ETS1: variants seen among roughly 807,000 people sequenced by gnomAD.
The protein encoded by ETS1 is ETS proto-oncogene 1, transcription factor, also known as protein C-ets-1.
A neutral mutation model predicts 58.6 loss-of-function variants in ETS1; 15 were observed. The observed-to-expected ratio is 0.26, with a 90% CI of 0.17 to 0.39. The LOEUF (loss-of-function observed/expected upper bound fraction) is 0.39, where lower values mean the gene tolerates loss of function less well. Ranked by LOEUF, ETS1 falls within the 10% of genes least tolerant of loss-of-function variation. The pLI is 1.00. For synonymous variants in ETS1, 214 were observed against 218.2 expected (o/e 0.98, Z 0.17); for missense variants, 417 against 610.5 (o/e 0.68, Z 3.34).
chr11:128,564,765 T>G (rs542428673), intron 2 of ETS1, among the ~76,000 whole-genome samples: 21 of 152,166 alleles, frequency 1.4e-4, no homozygotes, highest in Admixed American at 1.1e-3. Context: ...AGTGGTACCA[T>G]GGGTGACAGC....
intron 2 of ETS1, among the ~76,000 whole-genome samples, chr11:128,564,182 C>T (rs987300537): frequency 2.6e-5 from 4 of 152,182 alleles, no homozygotes; most frequent in African/African-American, 9.7e-5. Flanking sequence ...GCAAACAGAA[C>T]CACTCCCCAG....
chr11:128,563,418 A>G (rs1401665857), intron 2 of ETS1, among the ~76,000 whole-genome samples: 1 of 152,220 alleles, frequency 6.6e-6, no homozygotes, highest in Non-Finnish European at 1.5e-5. Flanking sequence ...ACAAGACTAG[A>G]AATCAAGCAG....
At chr11:128,493,984 C>G (rs1862872328) in intron 3 of ETS1, among the ~76,000 whole-genome samples, 1 of 152,128 alleles carries the variant, frequency 6.6e-6, no homozygotes, top group African/African-American at 2.4e-5. Context: ...GCAGATATCG[C>G]TTTACTCTTA....
chr11:128,566,599 C>A (rs892015982), intron 2 of ETS1, among the ~76,000 whole-genome samples: 3 of 151,880 alleles, frequency 2.0e-5, no homozygotes, highest in Non-Finnish European at 4.4e-5. Context: ...CTGGCTAACA[C>A]AGTGAAACCC....
intron 8 of ETS1, among the ~76,000 whole-genome samples, chr11:128,471,031 C>G (rs1862174164): frequency 6.6e-6 from 1 of 152,176 alleles, no homozygotes; most frequent in African/African-American, 2.4e-5. Flanking sequence ...TCCCGATGCA[C>G]CTTTTTCCTT....
At chr11:128,473,528 G>C (rs763188880) in intron 8 of ETS1, among the ~76,000 whole-genome samples, 3 of 152,230 alleles carry the variant, frequency 2.0e-5, no homozygotes, top group Non-Finnish European at 4.4e-5. Context: ...CTCACTGGCA[G>C]GGCCTGACTC....
chr11:128,522,142 C>T (rs896363363), intron 3 of ETS1: 4 of 1,316,518 alleles, frequency 3.0e-6, no homozygotes, highest in Non-Finnish European at 3.9e-6. Context: ...GCCTTTCTTT[C>T]CCCCGCGCCC....
At chr11:128,563,746 C>G (rs1226875331) in intron 2 of ETS1, among the ~76,000 whole-genome samples, 1 of 152,222 alleles carries the variant, frequency 6.6e-6, no homozygotes, top group East Asian at 1.9e-4. Flanking sequence ...TTCATTCTCT[C>G]CCGAAGCCCT....
intron 3 of ETS1, chr11:128,522,085 G>A: frequency 7.4e-7 from 1 of 1,356,850 alleles, no homozygotes; most frequent in Non-Finnish European, 9.6e-7. Flanking sequence ...AGGGGGAAGG[G>A]GACGGGGGAA....
chr11:128,531,125 A>G (rs750737414), intron 3 of ETS1, among the ~76,000 whole-genome samples: 64 of 152,238 alleles, frequency 4.2e-4, no homozygotes, highest in Admixed American at 9.8e-4. Flanking sequence ...AAACTCTAAA[A>G]TAACCAGGGA....
chr11:128,551,947 T>C (rs983535275), intron 3 of ETS1, among the ~76,000 whole-genome samples: 3 of 152,158 alleles, frequency 2.0e-5, no homozygotes, highest in African/African-American at 7.2e-5. Context: ...AGCCTTAGCC[T>C]AGAATCACTG....
intron 8 of ETS1, among the ~76,000 whole-genome samples, chr11:128,477,946 T>C (rs1317061989): frequency 1.3e-5 from 2 of 152,170 alleles, no homozygotes; most frequent in Non-Finnish European, 2.9e-5. Flanking sequence ...TGAACACTTC[T>C]ACTTCACTAA....
rs1477804028 is a variant in ETS1, at chr11:128,556,429, C to T, written c.76G>A (p.Gly26Arg). ...GGATCTTCATAAGTGTTGCTAGGTC[C>T]TTGCCTCTGTGCAAGAAAAAATAGA... is the stretch of plus-strand genomic sequence containing the variant. Reference protein sequence around the residue: ...SAPRPAVVRQGPSNTYEDPRM... With the variant: ...SAPRPAVVRQRPSNTYEDPRM... Residue 26 changes from glycine (G) to arginine (R), a missense_variant, in exon 3 of 10, where the codon GGA becomes AGA. Gly to Arg is a moderately radical substitution (Grantham distance 125). Coordinates refer to ENST00000392668, the MANE Select transcript of ETS1 (RefSeq NM_001143820.2). 2 of 1,600,888 alleles carry T rather than the reference C, an allele frequency of 1.2e-6. No homozygotes were observed. Among genetic ancestry groups the T allele is most frequent in the African/African-American group, 1.3e-5 (1 of 74,194 alleles).
At chr11:128,579,659 G>GA (rs201475278) in intron 1 of ETS1, among the ~76,000 whole-genome samples, 2,382 of 62,144 alleles carry the variant, frequency 0.038, 74 homozygotes, top group East Asian at 0.21. Context: ...AAACTCCATT[G>GA]AAAAAAAAAA....
At position 128,546,634 on chromosome 11, in the gene ETS1, C is replaced by T. The variant is rs1002431478; in HGVS notation, c.214+9657G>A. Among the ~76,000 whole-genome samples the T allele has an allele frequency of 1.6e-4, 25 of 151,984 alleles. 1 individual carries two copies. Among genetic ancestry groups the T allele is most frequent in the Admixed American group, 1.1e-3 (17 of 15,266 alleles). On this transcript the variant is annotated intron_variant, in intron 3 of 9. Transcript: ENST00000392668. Reference sequence around the variant, plus strand: ...AGAAAAAGTCAGTACATGTTCAGTACGGATGCAAATATTCTTTAAAAAAAA... The same window carrying T: ...AGAAAAAGTCAGTACATGTTCAGTATGGATGCAAATATTCTTTAAAAAAAA...
At chr11:128,498,983 C>T (rs1462924403) in intron 3 of ETS1, among the ~76,000 whole-genome samples, 1 of 152,202 alleles carries the variant, frequency 6.6e-6, no homozygotes, top group African/African-American at 2.4e-5. Context: ...CTCTACATTA[C>T]TCAGGAGGAA....
chr11:128,513,768 T>A (rs1466390644), intron 3 of ETS1, among the ~76,000 whole-genome samples: 1 of 152,182 alleles, frequency 6.6e-6, no homozygotes, highest in Non-Finnish European at 1.5e-5. Flanking sequence ...AAAATCAGAC[T>A]TGGGCAGGGG....
intron 9 of ETS1, among the ~76,000 whole-genome samples, chr11:128,462,842 G>C (rs1030528125): frequency 1.3e-5 from 2 of 152,082 alleles, no homozygotes; most frequent in Non-Finnish European, 2.9e-5. Context: ...TTAAATATGT[G>C]ACTTTAAAAA....
At chr11:128,520,020 G>A (rs1446463041) in intron 3 of ETS1, among the ~76,000 whole-genome samples, 3 of 152,046 alleles carry the variant, frequency 2.0e-5, no homozygotes, top group East Asian at 3.8e-4. Context: ...TTGTTGTATC[G>A]AAGTTCACAT....
Sources: allele counts gnomAD v4.1 joint callset (sites outside exome capture counted in the v4.1 genomes callset), GRCh38; gene constraint gnomAD v4.1.1; transcripts MANE v1.5; gene names NCBI Gene and HGNC (gene_info 2026-07-23, HGNC 2026-07-21).